The following PHF8 variants were observed in gnomAD, a reference collection of about 807,000 sequenced individuals.
PHF8 encodes PHD finger protein 8.
A neutral mutation model predicts 74.4 loss-of-function variants in PHF8; 9 were observed. The observed-to-expected ratio is 0.12, with a 90% confidence interval of 0.07 to 0.21. PHF8 has a LOEUF of 0.21. Among genes scored for constraint, PHF8 ranks in the 10% least tolerant of loss-of-function variants. The pLI, the probability that PHF8 is intolerant of heterozygous loss-of-function variation, is 1.00. For synonymous variants in PHF8, 311 were observed against 316.6 expected, an observed-to-expected ratio of 0.98 and a Z score of 0.19; for missense variants, 478 against 816.6, an observed-to-expected ratio of 0.59 and a Z score of 5.05.
At chrX:54,038,770 A>G (rs1361774072) in intron 2 of PHF8, among the ~76,000 whole-genome samples, 1 of 111,726 alleles carries the variant, frequency 9.0e-6, no homozygotes, top group Non-Finnish European at 1.9e-5. Context: ...CTCGCTTGTT[A>G]TAACCTTTCC....
chrX:54,037,000 T>TAAA (rs56902207), intron 2 of PHF8, among the ~76,000 whole-genome samples: 1,443 of 63,160 alleles, frequency 0.023, 11 homozygotes, highest in Middle Eastern at 0.062. Context: ...TCAGAAAAAA[T>TAAA]AAAAAAAAAA....
chrX:54,038,808 A>T (rs781962367), intron 2 of PHF8, among the ~76,000 whole-genome samples: 12 of 111,510 alleles, frequency 1.1e-4, no homozygotes, highest in Non-Finnish European at 2.1e-4. Context: ...TATATTCCAT[A>T]ATCCCTAGCT....
At chrX:53,960,464 A>G (rs1557090402) in intron 19 of PHF8, among the ~76,000 whole-genome samples, 2 of 109,381 alleles carry the variant, frequency 1.8e-5, no homozygotes, top group African/African-American at 6.6e-5. Flanking sequence ...AATTGTATAC[A>G]TGTGGCCAGG....
intron 19 of PHF8, among the ~76,000 whole-genome samples, chrX:53,956,279 T>A (rs2065011908): frequency 9.0e-6 from 1 of 111,278 alleles, no homozygotes; most frequent in South Asian, 3.8e-4. Flanking sequence ...TTTTTCTAAG[T>A]CATAAATAGG....
intron 8 of PHF8, among the ~76,000 whole-genome samples, chrX:54,003,917 A>G (rs1391744714): frequency 3.6e-5 from 4 of 111,415 alleles, no homozygotes; most frequent in Non-Finnish European, 5.7e-5. Flanking sequence ...TCACCCTTCT[A>G]GTGTTGCTCT....
At chrX:54,042,869 A>G in intron 1 of PHF8, 49 bp from the exon 2 acceptor site, 1 of 758,266 alleles carries the variant, frequency 1.3e-6, no homozygotes, top group Non-Finnish European at 1.7e-6. Context: ...CCCGCCCCCC[A>G]CCCCCTTGCA....
At position 53,938,351 on chromosome X, in the gene PHF8, C is replaced by A; in HGVS notation, c.*807G>T. The stretch of plus-strand genomic sequence containing the variant: ...CAGCCACAGCCACGTGGATAATGTT[C>A]TACATGATTTCAAAATCCAGGCAAA... On this transcript the variant is annotated 3_prime_UTR_variant, in exon 22 of 22. Transcript: ENST00000338154. 1 of 938,616 alleles carries A rather than the reference C, an allele frequency of 1.1e-6. No individual in the cohort carries two copies. The highest frequency in any genetic ancestry group is 4.1e-5 in the South Asian group (1 of 24,354). The allele number at this position is 938,616 out of a possible 1,213,427, so 77.4% of individuals were successfully genotyped here.
chrX:53,955,472 G>A (rs965149398), intron 19 of PHF8, among the ~76,000 whole-genome samples: 5 of 109,269 alleles, frequency 4.6e-5, no homozygotes, highest in Non-Finnish European at 5.7e-5. Flanking sequence ...CAGGCACTAG[G>A]CAAAGTGCTA....
At chrX:53,944,028 C>T (rs2064793444) in intron 20 of PHF8, 106 bp downstream of exon 20, 1 of 525,210 alleles carries the variant, frequency 1.9e-6, no homozygotes, top group East Asian at 3.6e-5. Context: ...GTTACTCAAT[C>T]CCCATTGAGA....
chrX:53,995,717 C>T lies in PHF8; in HGVS notation c.1299G>A (p.Leu433=). ...CTTCCACCAGGCGGATCTCCCTGGCCAGATCTTTAATGAGCTGTACGGTTC... is the reference window on the plus strand; with the variant it reads ...CTTCCACCAGGCGGATCTCCCTGGCTAGATCTTTAATGAGCTGTACGGTTC... The part of the protein sequence containing the change: ...TVRTVQLIKD[L]AREIRLVEDI... The change falls in exon 12 of 22, where the codon CTG becomes CTA. Residue 433 remains leucine (L), a synonymous_variant. Transcript: ENST00000338154. 1 of 1,200,003 alleles carries T rather than the reference C, an allele frequency of 8.3e-7. No homozygotes were observed. The highest frequency in any genetic ancestry group is 1.1e-6 in the Non-Finnish European group (1 of 885,081).
Position 54,017,695 on chromosome X carries a change from T to C in PHF8, c.420A>G (p.Pro140=), listed in dbSNP as rs2066095633. ...KDGLGMTLPS[P]SFTVRDVEHY... is the part of the protein sequence containing the mutation. Reference sequence around the variant, plus strand: ...GTTCAACATCCCTCACAGTGAATGATGGCGAGGGCAGCGTCATGCCCAACC... The same window carrying C: ...GTTCAACATCCCTCACAGTGAATGACGGCGAGGGCAGCGTCATGCCCAACC... Residue 140 remains proline (P), a synonymous_variant, in exon 5 of 22, where the codon CCA becomes CCG. Transcript: ENST00000338154. 1 of 1,209,265 alleles carries C rather than the reference T, an allele frequency of 8.3e-7. No individual in the cohort carries two copies. Among genetic ancestry groups the C allele is most frequent in the Non-Finnish European group, 1.1e-6 (1 of 893,148 alleles).
chrX:53,954,950 C>T (rs1461103561), intron 19 of PHF8, among the ~76,000 whole-genome samples: 2 of 111,406 alleles, frequency 1.8e-5, no homozygotes, highest in Non-Finnish European at 3.8e-5. Flanking sequence ...TGACTCTTTA[C>T]AACACTCAGT....
In PHF8 at chrX:53,940,212, G is replaced by A. The variant is rs2064729246; in HGVS notation, c.2954C>T (p.Ser985Leu). 8.4e-7 allele frequency: 1 copy of A among 1,185,702 alleles called. No homozygotes were observed. Among genetic ancestry groups the A allele is most frequent in the African/African-American group, 1.8e-5 (1 of 56,724 alleles). ...TGCCTGATTGCTCTGGGAGCCAACT[G>A]AAGGGCGCCGCTGGGTCAAGAAGAC... The part of the protein sequence containing the change: ...PGVFLTQRRP[S>L]VGSQSNQAGQ... The change falls in exon 21 of 22, where the codon TCA (serine) becomes TTA (leucine). Residue 985 changes from serine to leucine, a missense_variant. This residue lies in a region of PHF8 where 75 missense variants were observed against 93.3 expected (regional missense o/e 0.80). Transcript: ENST00000338154.
intron 2 of PHF8, among the ~76,000 whole-genome samples, chrX:54,038,595 T>C (rs2066500749): frequency 8.9e-6 from 1 of 112,095 alleles, no homozygotes; most frequent in Admixed American, 9.5e-5. Context: ...CAAAGTGTTT[T>C]TGCAAAATCC....
intron 19 of PHF8, among the ~76,000 whole-genome samples, chrX:53,959,372 G>A (rs1470815716): frequency 3.6e-5 from 4 of 111,336 alleles, no homozygotes; most frequent in Non-Finnish European, 5.7e-5. Context: ...GCATCCTTGC[G>A]GCAAATGTCC....
intron 19 of PHF8, 63 bp from the exon 20 acceptor site, chrX:53,944,306 C>T (rs2064798655): frequency 1.2e-6 from 1 of 828,132 alleles, no homozygotes; most frequent in Admixed American, 2.3e-5. Context: ...AGCCATATTC[C>T]CTACCTCCAA....
At chrX:54,028,064 T>C (rs2066298296) in intron 2 of PHF8, among the ~76,000 whole-genome samples, 1 of 107,487 alleles carries the variant, frequency 9.3e-6, no homozygotes, top group Admixed American at 1.0e-4. Flanking sequence ...AAATATTAGA[T>C]AGGGAAGACA....
chrX:53,974,397 C>G (rs988809158), intron 18 of PHF8, among the ~76,000 whole-genome samples: 7 of 111,823 alleles, frequency 6.3e-5, no homozygotes, highest in Non-Finnish European at 9.4e-5. Context: ...CAATTAAAAA[C>G]TCAAAAAACA....
chrX:53,965,909 GAA>G (rs1395541856), intron 18 of PHF8, among the ~76,000 whole-genome samples: 1 of 107,254 alleles, frequency 9.3e-6, no homozygotes, highest in South Asian at 4.0e-4. Flanking sequence ...ATTTACGGGG[GAA>G]AAAAAAAGAG....
Sources: gnomAD v4.1 joint callset for allele counts (sites outside exome capture counted in the v4.1 genomes callset) on GRCh38, gnomAD v4.1.1 for gene constraint, gnomAD v4.1.1 regional missense constraint, MANE v1.5 for transcripts, NCBI Gene and HGNC (gene_info 2026-07-23, HGNC 2026-07-21) for gene names.